Variants in MPDZ observed in about 807,000 individuals in gnomAD.
MPDZ encodes multiple PDZ domain crumbs cell polarity complex component, also known as multiple PDZ domain protein.
A neutral mutation model predicts 239.1 loss-of-function variants in MPDZ; 234 were observed. That is an observed-to-expected ratio of 0.98 (90% CI 0.88 to 1.09). MPDZ has a LOEUF of 1.09. Among genes scored for constraint, MPDZ ranks in the 50% least tolerant of loss-of-function variants. The pLI is 0.00. For synonymous variants in MPDZ, 1,048 were observed against 881.3 expected (o/e 1.19, Z -3.35); for missense variants, 3,175 against 2,510.0 (o/e 1.26, Z -5.66).
chr9:13,177,371 C>A (rs1192450753), intron 19 of MPDZ, among the ~76,000 whole-genome samples: 4 of 152,068 alleles, frequency 2.6e-5, no homozygotes, highest in African/African-American at 9.7e-5. Context: ...GCTTCTACTT[C>A]CATTCGCTTC....
At chr9:13,190,940 T>C (rs1335429228) in intron 15 of MPDZ, among the ~76,000 whole-genome samples, 1 of 152,150 alleles carries the variant, frequency 6.6e-6, no homozygotes, top group Non-Finnish European at 1.5e-5. Flanking sequence ...GTAACATATA[T>C]AAAGCATCAG....
At chr9:13,223,061 A>G (rs1959265688) in intron 5 of MPDZ, among the ~76,000 whole-genome samples, 1 of 152,128 alleles carries the variant, frequency 6.6e-6, no homozygotes, top group African/African-American at 2.4e-5. Context: ...ATTATAAGTT[A>G]AAGATGATTT....
At chr9:13,217,119 T>C (rs1958445468) in intron 9 of MPDZ, 61 bp downstream of exon 9, 2 of 1,136,094 alleles carry the variant, frequency 1.8e-6, no homozygotes, top group Non-Finnish European at 2.5e-6. Context: ...CAATATTTTA[T>C]AAGAGATAGA....
At chr9:13,198,353 G>A (rs1350075222) in intron 12 of MPDZ, among the ~76,000 whole-genome samples, 3 of 151,982 alleles carry the variant, frequency 2.0e-5, no homozygotes, top group South Asian at 2.1e-4. Context: ...GATCAGTGAC[G>A]AACATTTTTT....
rs181968967 is a variant in MPDZ at position 13,168,749 on chromosome 9, G to A, written c.3056-185C>T. ...AAATATTTTTAAGTAAATTGTAAAT[G>A]TTTGTGAAATTGTATATAGTCAATA... On this transcript the variant is annotated intron_variant, in intron 21 of 46. Coordinates refer to ENST00000319217, the MANE Select transcript of MPDZ (RefSeq NM_001378778.1). 1.7e-3 allele frequency among the ~76,000 whole-genome samples: 256 copies of A among 152,224 alleles called. 2 individuals carry two copies. The highest frequency in any genetic ancestry group is 1.3e-3 in the Non-Finnish European group (88 of 68,002).
rs1301551754 is a variant in MPDZ, at chr9:13,222,406, T to G, written c.574A>C (p.Asn192His). Residue 192 changes from asparagine (N) to histidine (H), a missense_variant, in exon 6 of 47, where the codon AAT becomes CAT. Physicochemically the swap from Asn to His is moderately conservative, Grantham distance 68 (BLOSUM62 1). Transcript: ENST00000319217. ...ATTGTCTGATCAAGAGCCTGTCCAT[T>G]GATAGCAAGAATTTGATCAGTTTCT... is the stretch of plus-strand genomic sequence containing the variant. ...LKETDQILAI[N>H]GQALDQTITH... 2 of 1,612,594 alleles carry G rather than the reference T, an allele frequency of 1.2e-6. No individual in the cohort carries two copies. Among genetic ancestry groups the G allele is most frequent in the Admixed American group, 1.7e-5 (1 of 59,856 alleles).
At chr9:13,252,727 C>T (rs995219940) in intron 1 of MPDZ, among the ~76,000 whole-genome samples, 3 of 152,042 alleles carry the variant, frequency 2.0e-5, no homozygotes, top group East Asian at 1.9e-4. Flanking sequence ...ATGTGCCTGT[C>T]GTCCCAGCTG....
chr9:13,112,917 A>C (rs1942734122), intron 42 of MPDZ, 94 bp downstream of exon 42: 1 of 1,200,592 alleles, frequency 8.3e-7, no homozygotes, highest in African/African-American at 1.5e-5. Flanking sequence ...TTTGAGATGA[A>C]TACTTTAAAA....
At chr9:13,144,462 T>C (rs1047404909) in intron 26 of MPDZ, among the ~76,000 whole-genome samples, 1 of 152,102 alleles carries the variant, frequency 6.6e-6, no homozygotes, top group Non-Finnish European at 1.5e-5. Flanking sequence ...CTCCTTCTTT[T>C]CACACCCGCT....
At chr9:13,129,113 T>C (rs1031476403) in intron 32 of MPDZ, among the ~76,000 whole-genome samples, 1 of 152,168 alleles carries the variant, frequency 6.6e-6, no homozygotes, top group Non-Finnish European at 1.5e-5. Context: ...CAAACTCAAC[T>C]AGAATACTAC....
Position 13,113,968 on chromosome 9 carries a change from T to C in MPDZ, c.5520A>G (p.Thr1840=), listed in dbSNP as rs181988364. Residue 1840 remains threonine, a synonymous_variant, in exon 41 of 47, where the codon ACA becomes ACG. Coordinates refer to ENST00000319217, the MANE Select transcript of MPDZ (RefSeq NM_001378778.1). ...TTGAGCTACTTTCCAGTGACTCAGA[T>C]GTACTGGATCCAGAGAGTGGAAAAG... ...SFTFPLSGSS[T]SESLESSSKK... 3.5e-5 allele frequency: 56 copies of C among 1,598,806 alleles called. No homozygotes were observed. The African/African-American group carries it at 7.1e-4, about 20-fold the overall frequency.
chr9:13,210,788 G>A (rs879584624), intron 10 of MPDZ, among the ~76,000 whole-genome samples: 4 of 152,050 alleles, frequency 2.6e-5, no homozygotes, highest in Non-Finnish European at 4.4e-5. Context: ...AGTCAGCTAC[G>A]TTAAAAATCC....
At chr9:13,109,094 T>TA (rs374242359) in intron 45 of MPDZ, 35 bp from the exon 46 acceptor site, 111,759 of 837,472 alleles carry the variant, frequency 0.13, 17 homozygotes, top group Non-Finnish European at 0.14. Context: ...GGTTTTAAAT[T>TA]AAAAAAAAAA....
chr9:13,129,822 G>A (rs1168738052), intron 32 of MPDZ, among the ~76,000 whole-genome samples: 1 of 152,058 alleles, frequency 6.6e-6, no homozygotes, highest in Non-Finnish European at 1.5e-5. Flanking sequence ...AAATAGCTGG[G>A]ACTACAGGCA....
intron 22 of MPDZ, among the ~76,000 whole-genome samples, chr9:13,166,063 T>C (rs1951038858): frequency 6.6e-6 from 1 of 152,090 alleles, no homozygotes; most frequent in African/African-American, 2.4e-5. Context: ...GTCTCCTTTT[T>C]TAAAGTTCCT....
intron 32 of MPDZ, among the ~76,000 whole-genome samples, chr9:13,133,231 G>A (rs1311461712): frequency 6.6e-6 from 1 of 152,066 alleles, no homozygotes; most frequent in Admixed American, 6.6e-5. Flanking sequence ...CTCTTAAATG[G>A]CAATAGAATG....
At chr9:13,128,764 G>T (rs1945483024) in intron 32 of MPDZ, among the ~76,000 whole-genome samples, 1 of 152,114 alleles carries the variant, frequency 6.6e-6, no homozygotes, top group African/African-American at 2.4e-5. Flanking sequence ...TTGCTCAGAA[G>T]GCTTGAACAG....
In MPDZ at chr9:13,269,632, A is replaced by C. The variant is rs540549681; in HGVS notation, c.-58+9768T>G. On this transcript the variant is annotated intron_variant, in intron 1 of 46. Transcript: ENST00000319217. ...TGAACATGCATACAAACAAGAAAAAAATAAAATCTGTTCACAATAAAAGAA... is the reference window on the plus strand; with the variant it reads ...TGAACATGCATACAAACAAGAAAAACATAAAATCTGTTCACAATAAAAGAA... Among the ~76,000 whole-genome samples, 6 of 152,340 alleles carry C rather than the reference A, an allele frequency of 3.9e-5. No individual in the cohort carries two copies. In the South Asian group the frequency reaches 1.0e-3, roughly 26 times the overall value.
intron 26 of MPDZ, 142 bp downstream of exon 26, chr9:13,147,406 A>G (rs1433393866): frequency 3.3e-6 from 2 of 607,452 alleles, no homozygotes; most frequent in African/African-American, 1.8e-5. Context: ...ATTTCTGAGA[A>G]AGCAAAACAA....
Sources: gnomAD v4.1 joint callset for allele counts (sites outside exome capture counted in the v4.1 genomes callset) on GRCh38, gnomAD v4.1.1 for gene constraint, MANE v1.5 for transcripts, NCBI Gene and HGNC (gene_info 2026-07-23, HGNC 2026-07-21) for gene names.